The following ANP32A variants were observed in gnomAD, a reference collection of about 807,000 sequenced individuals.
ANP32A encodes acidic leucine-rich nuclear phosphoprotein 32 family member A.
In ANP32A, 1 loss-of-function variant was observed where a neutral mutation model predicts 33.9. The ratio of observed to expected loss-of-function variants is 0.03; its 90% CI spans 0.01 to 0.14. The LOEUF is 0.14. Ranked by LOEUF, ANP32A falls within the 10% of genes least tolerant of loss-of-function variation. The pLI is 1.00. For missense variants in ANP32A, 155 were observed against 306.0 expected, an observed-to-expected ratio of 0.51 and a Z score of 3.68; for synonymous variants, 115 against 120.5, an observed-to-expected ratio of 0.95 and a Z score of 0.30.
chr15:68,792,731 A>T (rs1894013513), intron 1 of ANP32A, among the ~76,000 whole-genome samples: 1 of 152,150 alleles, frequency 6.6e-6, no homozygotes, highest in South Asian at 2.1e-4. Context: ...GGAAGTGGTC[A>T]AGAGGCAGCC....
At chr15:68,816,457 A>C (rs549177145) in intron 1 of ANP32A, among the ~76,000 whole-genome samples, 1 of 152,302 alleles carries the variant, frequency 6.6e-6, no homozygotes, top group South Asian at 2.1e-4. Context: ...GATACATGTA[A>C]TCCACTTAAG....
intron 1 of ANP32A, among the ~76,000 whole-genome samples, chr15:68,814,104 C>T (rs1236380002): frequency 6.6e-6 from 1 of 152,024 alleles, no homozygotes; most frequent in Non-Finnish European, 1.5e-5. Flanking sequence ...CTCCTGACCT[C>T]GTGATCCACC....
In ANP32A at chr15:68,820,855, T is replaced by C; in HGVS notation, c.-104A>G. 2.9e-6 allele frequency: 4 copies of C among 1,373,254 alleles called. No homozygotes were observed. The highest frequency in any genetic ancestry group is 1.4e-5 in the African/African-American group (1 of 69,740). The allele number at this position is 1,373,254 out of a possible 1,614,324, so 85.1% of individuals were successfully genotyped here. On this transcript the variant is annotated 5_prime_UTR_variant, in exon 1 of 7. Coordinates refer to ENST00000465139, the MANE Select transcript of ANP32A (RefSeq NM_006305.4). ...TTAGGACTTTGAAGGCTCAACCAGC[T>C]CCGCTCGGTTCTCGAGCCCCCAGCA... is the stretch of plus-strand genomic sequence containing the variant.
chr15:68,780,184 C>T lies in ANP32A; in HGVS notation c.689-42G>A. 1 of 1,610,484 alleles carries T rather than the reference C, an allele frequency of 6.2e-7. No individual in the cohort carries two copies. Among genetic ancestry groups the T allele is most frequent in the Non-Finnish European group, 8.5e-7 (1 of 1,177,774 alleles). ...GCGGCATTTAGATTAGTTATTAATC[C>T]CACCTCTTTAACTCAACCCACCCAG... On this transcript the variant is annotated intron_variant, in intron 6 of 6. Coordinates refer to ENST00000465139, the MANE Select transcript of ANP32A (RefSeq NM_006305.4). The surrounding 1 kb of genome is among the most constrained non-coding windows in gnomAD (Gnocchi z 4.3).
chr15:68,807,041 A>G (rs1300278012), intron 1 of ANP32A, among the ~76,000 whole-genome samples: 1 of 152,262 alleles, frequency 6.6e-6, no homozygotes, highest in Admixed American at 6.5e-5. Context: ...CCAGACAGAG[A>G]GAAAGCCACA....
rs912553940 is a variant in ANP32A at position 68,808,547 on chromosome 15, G to A, written c.54+12151C>T. On this transcript the variant is annotated intron_variant, in intron 1 of 6. Coordinates refer to ENST00000465139, the MANE Select transcript of ANP32A (RefSeq NM_006305.4). ...TTATACAACTCCTTGTCTCATTCCC[G>A]ATGCTGGGCACACAGGCCATATCAG... Among the ~76,000 whole-genome samples the A allele has an allele frequency of 2.0e-5, 3 of 152,140 alleles. No homozygotes were observed. In the East Asian group the frequency reaches 5.8e-4, roughly 29 times the overall value.
intron 1 of ANP32A, chr15:68,792,150 C>G (rs1596066663): frequency 6.6e-6 from 1 of 152,064 alleles, no homozygotes; most frequent in Non-Finnish European, 1.5e-5. Context: ...AAACCAAGGC[C>G]CACTTCCCCT....
At chr15:68,819,960 A>G (rs1894448795) in intron 1 of ANP32A, among the ~76,000 whole-genome samples, 1 of 152,158 alleles carries the variant, frequency 6.6e-6, no homozygotes, top group Non-Finnish European at 1.5e-5. Flanking sequence ...GAGGCAGAGA[A>G]AGGGAGGGAG....
intron 1 of ANP32A, among the ~76,000 whole-genome samples, chr15:68,813,270 C>A (rs1567040421): frequency 1.3e-5 from 2 of 152,174 alleles, no homozygotes; most frequent in Admixed American, 1.3e-4. Context: ...AATAAAGGGA[C>A]TTTTATCTTC....
At chr15:68,806,055 TCTGGGCAC>T (rs1406481597) in intron 1 of ANP32A, among the ~76,000 whole-genome samples, 3 of 152,244 alleles carry the variant, frequency 2.0e-5, no homozygotes, top group African/African-American at 7.2e-5. Flanking sequence ...TCATTTGCTA[TCTGGGCAC>T]CTCTGGGTAA....
At chr15:68,808,854 G>A (rs1371721799) in intron 1 of ANP32A, among the ~76,000 whole-genome samples, 1 of 152,200 alleles carries the variant, frequency 6.6e-6, no homozygotes, top group Non-Finnish European at 1.5e-5. Context: ...TGGCTGCAGA[G>A]TTCCAGCACA....
rs1408701609 is a variant in ANP32A, at chr15:68,820,786, C to A, written c.-35G>T. 1 of 1,613,672 alleles carries A rather than the reference C, an allele frequency of 6.2e-7. No homozygotes were observed. Among genetic ancestry groups the A allele is most frequent in the Admixed American group, 1.7e-5 (1 of 60,026 alleles). On this transcript the variant is annotated 5_prime_UTR_variant, in exon 1 of 7. Coordinates refer to ENST00000465139, the MANE Select transcript of ANP32A (RefSeq NM_006305.4). ...TCTCTCTCTGCAGAGGCTCCCGCGC[C>A]GGCGGAATTCAATCAATAAACCCCG...
intron 1 of ANP32A, among the ~76,000 whole-genome samples, chr15:68,796,265 G>C (rs1894062493): frequency 6.6e-6 from 1 of 152,186 alleles, no homozygotes; most frequent in African/African-American, 2.4e-5. Context: ...ATTTTCAGGA[G>C]AGACAGGGTT....
intron 1 of ANP32A, among the ~76,000 whole-genome samples, chr15:68,792,772 G>C (rs1317469568): frequency 1.3e-5 from 2 of 152,146 alleles, no homozygotes; most frequent in African/African-American, 2.4e-5. Flanking sequence ...TCGACCTAGA[G>C]GGCTCGACCC....
At chr15:68,787,160 T>G (rs567519447) in intron 3 of ANP32A, 27 of 446,274 alleles carry the variant, frequency 6.1e-5, no homozygotes, top group Middle Eastern at 6.6e-4. Context: ...GACCAGAAAT[T>G]GAAACTAGGG....
chr15:68,820,305 C>T (rs1225956432), intron 1 of ANP32A, among the ~76,000 whole-genome samples: 1 of 152,158 alleles, frequency 6.6e-6, no homozygotes, highest in Non-Finnish European at 1.5e-5. Context: ...AGCCCCTCTC[C>T]TCCTCCTCCC....
At chr15:68,788,312 G>A (rs1439608422) in intron 1 of ANP32A, among the ~76,000 whole-genome samples, 1 of 152,184 alleles carries the variant, frequency 6.6e-6, no homozygotes, top group Non-Finnish European at 1.5e-5. Context: ...CATTGTTAGG[G>A]ACTTCTGGGC....
chr15:68,819,895 A>T (rs1894447326), intron 1 of ANP32A, among the ~76,000 whole-genome samples: 1 of 152,202 alleles, frequency 6.6e-6, no homozygotes, highest in Non-Finnish European at 1.5e-5. Flanking sequence ...AAACATCAGC[A>T]TCTGGCCCGA....
At chr15:68,794,659 G>A (rs940291771) in intron 1 of ANP32A, among the ~76,000 whole-genome samples, 1 of 152,246 alleles carries the variant, frequency 6.6e-6, no homozygotes, top group African/African-American at 2.4e-5. Context: ...TGGGGTGATA[G>A]ATGCTTGTGA....
Sources: allele counts gnomAD v4.1 joint callset (sites outside exome capture counted in the v4.1 genomes callset), GRCh38; gene constraint gnomAD v4.1.1; non-coding constraint Gnocchi (gnomAD v3.1); transcripts MANE v1.5; gene names NCBI Gene and HGNC (gene_info 2026-07-23, HGNC 2026-07-21).